The following TMPRSS6 variants were observed in gnomAD, a reference collection of about 807,000 sequenced individuals.
TMPRSS6 encodes transmembrane protease serine 6.
TMPRSS6 carries 67 observed loss-of-function variants against 101.5 expected under a neutral mutation model. The observed-to-expected ratio is 0.66, with a 90% CI of 0.54 to 0.81. The LOEUF (loss-of-function observed/expected upper bound fraction) is 0.81. TMPRSS6 is among the 30% of genes least tolerant of loss of function. The pLI, the probability that TMPRSS6 is intolerant of heterozygous loss-of-function variation, is 0.00. For synonymous variants in TMPRSS6, 453 were observed against 464.9 expected (o/e 0.97, Z 0.33); for missense variants, 1,034 against 1,088.7 (o/e 0.95, Z 0.71).
chr22:37,071,066 G>A lies in TMPRSS6; in HGVS notation c.1556-34C>T, dbSNP rs201936136. 7 of 1,595,220 alleles carry A rather than the reference G, an allele frequency of 4.4e-6. No individual in the cohort carries two copies. The African/African-American group carries it at 5.4e-5, about 12-fold the overall frequency. On this transcript the variant is annotated intron_variant, in intron 13 of 17. Transcript: ENST00000676104. ...GAGGGGATGGGGGCAGGGCACAGAAGGTGGGTCTCTGAGCCCCAAGGAAAC... is the reference window on the plus strand; with the variant it reads ...GAGGGGATGGGGGCAGGGCACAGAAAGTGGGTCTCTGAGCCCCAAGGAAAC...
chr22:37,072,896 GATGGATGGATAGATGGATGATGT>G (rs1404153219), intron 13 of TMPRSS6, among the ~76,000 whole-genome samples: 1 of 150,028 alleles, frequency 6.7e-6, no homozygotes, highest in Non-Finnish European at 1.5e-5. Flanking sequence ...TGGATGAATG[GATGGATGGATAGATGGATGATGT>G]ATGGATGGAT....
intron 17 of TMPRSS6, among the ~76,000 whole-genome samples, chr22:37,066,510 TTTC>T (rs1474039621): frequency 2.0e-5 from 3 of 152,226 alleles, no homozygotes; most frequent in Non-Finnish European, 4.4e-5. Context: ...CTGACACCCC[TTTC>T]TTCTTCCATG....
rs1351445900 is a variant in TMPRSS6, at chr22:37,101,722, G to A, written c.202+1494C>T. Among the ~76,000 whole-genome samples the A allele has an allele frequency of 7.9e-5, 12 of 152,148 alleles. No individual in the cohort carries two copies. Among genetic ancestry groups the A allele is most frequent in the Non-Finnish European group, 5.9e-5 (4 of 68,010 alleles). Reference sequence around the variant, plus strand: ...AGCCCCATGGAGCACCTCTCCTGGGGTGGGGGGTGATTTACCCCAGGAGCA... The same window carrying A: ...AGCCCCATGGAGCACCTCTCCTGGGATGGGGGGTGATTTACCCCAGGAGCA... On this transcript the variant is annotated intron_variant, in intron 2 of 17. Transcript: ENST00000676104. This position sits in a 1 kb window ranked among gnomAD's most constrained non-coding sequence, Gnocchi z 4.1.
intron 13 of TMPRSS6, 21 bp from the exon 14 acceptor site, chr22:37,071,053 G>A (rs912290505): frequency 4.4e-6 from 7 of 1,607,694 alleles, no homozygotes; most frequent in South Asian, 1.1e-5. Context: ...GGGGATGGGG[G>A]CAGGGCACAG....
chr22:37,076,764 C>T (rs1601531474), intron 10 of TMPRSS6, among the ~76,000 whole-genome samples: 1 of 152,180 alleles, frequency 6.6e-6, no homozygotes, highest in Non-Finnish European at 1.5e-5. Context: ...TAGAAATGCC[C>T]TCCACAGAGC....
In TMPRSS6 at chr22:37,103,619, G is replaced by A; in HGVS notation, c.-1-201C>T. 1 of 1,597,438 alleles carries A rather than the reference G, an allele frequency of 6.3e-7. No individual in the cohort carries two copies. The highest frequency in any genetic ancestry group is 8.6e-7 in the Non-Finnish European group (1 of 1,168,986). ...CATCTCAGGTCAGCTCGCACCAGAG[G>A]GCAGGCACCAGAGCTGGACTGGGTC... is the stretch of plus-strand genomic sequence containing the variant. On this transcript the variant is annotated intron_variant, in intron 1 of 17. Coordinates refer to ENST00000676104, the MANE Select transcript of TMPRSS6 (RefSeq NM_001374504.1). The surrounding 1 kb of genome is among the most constrained non-coding windows in gnomAD (Gnocchi z 4.4).
chr22:37,078,969 AAGAAAAAG>A (rs1354527360), intron 10 of TMPRSS6, among the ~76,000 whole-genome samples: 2 of 70,350 alleles, frequency 2.8e-5, no homozygotes, highest in East Asian at 4.2e-4. Flanking sequence ...GAAAGAAAGA[AAGAAAAAG>A]AAAGAAAGAA....
chr22:37,099,203 T>C (rs1396164129), intron 2 of TMPRSS6, among the ~76,000 whole-genome samples: 2 of 151,940 alleles, frequency 1.3e-5, no homozygotes, highest in Admixed American at 6.6e-5. Flanking sequence ...AACTGTAAAT[T>C]GGTAAGAGAA....
Position 37,101,780 on chromosome 22 carries a change from G to T in TMPRSS6, c.202+1436C>A, listed in dbSNP as rs147132217. ...GGGGAATTAAACTCCTCTGCAAAGA[G>T]AAATAATTGGCAGGTGAGTTCCTGG... On this transcript the variant is annotated intron_variant, in intron 2 of 17. Transcript: ENST00000676104. This position sits in a 1 kb window ranked among gnomAD's most constrained non-coding sequence, Gnocchi z 4.1. Among the ~76,000 whole-genome samples, 326 of 152,292 alleles carry T rather than the reference G, an allele frequency of 2.1e-3. 2 individuals carry two copies. Among genetic ancestry groups the T allele is most frequent in the African/African-American group, 7.0e-3 (289 of 41,550 alleles).
rs115328129 is a variant in TMPRSS6, at chr22:37,092,945, C to T, written c.631+2606G>A. On this transcript the variant is annotated intron_variant, in intron 6 of 17. Transcript: ENST00000676104. Reference sequence around the variant, plus strand: ...AACGAACAATTCCCTCTCTCCACTGCCTCTGGGGCCTCTATTCTCACACTG... The same window carrying T: ...AACGAACAATTCCCTCTCTCCACTGTCTCTGGGGCCTCTATTCTCACACTG... Among the ~76,000 whole-genome samples, 773 of 152,320 alleles carry T rather than the reference C, an allele frequency of 5.1e-3. 6 individuals carry two copies. The highest frequency in any genetic ancestry group is 0.018 in the African/African-American group (735 of 41,562).
chr22:37,078,918 GAGAA>G (rs1482328444), intron 10 of TMPRSS6, among the ~76,000 whole-genome samples: 4 of 130,092 alleles, frequency 3.1e-5, no homozygotes, highest in Non-Finnish European at 4.6e-5. Context: ...AAAGAAGAAA[GAGAA>G]AGAAGAGGAA....
chr22:37,096,609 G>T, intron 4 of TMPRSS6, 39 bp downstream of exon 4: 1 of 1,549,408 alleles, frequency 6.5e-7, no homozygotes, highest in South Asian at 1.2e-5. Context: ...TTGAATCTCA[G>T]CTTCTTGCAG....
At chr22:37,093,375 TC>T (rs1929438294) in intron 6 of TMPRSS6, among the ~76,000 whole-genome samples, 2 of 142,304 alleles carry the variant, frequency 1.4e-5, no homozygotes, top group South Asian at 4.4e-4. Context: ...TCCTTTCCTT[TC>T]TTTCTTTCTT....
At chr22:37,074,101 C>A (rs1927397991) in intron 12 of TMPRSS6, among the ~76,000 whole-genome samples, 1 of 152,200 alleles carries the variant, frequency 6.6e-6, no homozygotes, top group African/African-American at 2.4e-5. Context: ...GTGAGATACC[C>A]CATTTCACTG....
intron 2 of TMPRSS6, among the ~76,000 whole-genome samples, chr22:37,098,858 C>G (rs1163569413): frequency 1.3e-5 from 2 of 152,170 alleles, no homozygotes; most frequent in Non-Finnish European, 2.9e-5. Context: ...GACATGAAGG[C>G]CAGGAAATCC....
intron 15 of TMPRSS6, 79 bp downstream of exon 15, chr22:37,070,405 C>T: frequency 6.3e-7 from 1 of 1,576,392 alleles, no homozygotes; most frequent in Non-Finnish European, 8.7e-7. Context: ...CTGCAAAGAG[C>T]TCAGACACAG....
chr22:37,105,353 A>C (rs1435761076), intron 1 of TMPRSS6, among the ~76,000 whole-genome samples: 1 of 152,204 alleles, frequency 6.6e-6, no homozygotes, highest in Non-Finnish European at 1.5e-5. Context: ...GGAATGGTAA[A>C]TGGTAAACGT....
chr22:37,073,129 T>C (rs1237770843), intron 13 of TMPRSS6, among the ~76,000 whole-genome samples: 2 of 59,806 alleles, frequency 3.3e-5, no homozygotes, highest in Admixed American at 4.5e-4. Flanking sequence ...GGATGATGGA[T>C]GGGTGGATGG....
At chr22:37,076,073 A>AAAAG (rs147881799) in intron 10 of TMPRSS6, among the ~76,000 whole-genome samples, 1 of 151,920 alleles carries the variant, frequency 6.6e-6, no homozygotes, top group Admixed American at 6.6e-5. Context: ...AAAAGAAAAG[A>AAAAG]AAAGAAAGAA....
Sources: allele counts gnomAD v4.1 joint callset (sites outside exome capture counted in the v4.1 genomes callset), GRCh38; gene constraint gnomAD v4.1.1; non-coding constraint Gnocchi (gnomAD v3.1); transcripts MANE v1.5; gene names NCBI Gene and HGNC (gene_info 2026-07-23, HGNC 2026-07-21).